The following RAPGEF4 variants were observed in gnomAD, a reference collection of about 807,000 sequenced individuals.
RAPGEF4 encodes the protein Rap guanine nucleotide exchange factor 4, also known as RAP guanine-nucleotide-exchange factor (GEF) 4.
RAPGEF4 carries 66 observed loss-of-function variants against 147.9 expected under a neutral mutation model. The observed-to-expected ratio is 0.45, with a 90% confidence interval of 0.37 to 0.55. The LOEUF is 0.55. Ranked by LOEUF, RAPGEF4 falls within the 20% of genes least tolerant of loss-of-function variation. The pLI, the probability that RAPGEF4 is intolerant of heterozygous loss-of-function variation, is 0.00. For missense variants in RAPGEF4, 1,071 were observed against 1,257.3 expected, an observed-to-expected ratio of 0.85 and a Z score of 2.24; for synonymous variants, 419 against 442.7, an observed-to-expected ratio of 0.95 and a Z score of 0.67.
intron 4 of RAPGEF4, among the ~76,000 whole-genome samples, chr2:172,855,499 TC>T (rs1384221433): frequency 1.3e-5 from 2 of 152,178 alleles, no homozygotes; most frequent in Non-Finnish European, 2.9e-5. Flanking sequence ...TTTTCATATT[TC>T]CCCACATATT....
At chr2:172,861,568 G>A (rs1236482347) in intron 4 of RAPGEF4, among the ~76,000 whole-genome samples, 5 of 152,220 alleles carry the variant, frequency 3.3e-5, no homozygotes, top group Non-Finnish European at 7.3e-5. Flanking sequence ...TAGTATGGCA[G>A]TCTTGTTAGG....
chr2:173,041,627 C>A (rs1684770078), intron 29 of RAPGEF4, among the ~76,000 whole-genome samples: 1 of 152,198 alleles, frequency 6.6e-6, no homozygotes, highest in South Asian at 2.1e-4. Flanking sequence ...AAGAAAACTT[C>A]ATGCAGTTTT....
intron 1 of RAPGEF4, among the ~76,000 whole-genome samples, chr2:172,784,740 A>G (rs973441715): frequency 4.6e-5 from 7 of 152,196 alleles, no homozygotes; most frequent in African/African-American, 7.2e-5. Context: ...TGCTATATCC[A>G]TGTCATCACT....
At position 172,867,074 on chromosome 2, in the gene RAPGEF4, C is replaced by T. The variant is rs146613104; in HGVS notation, c.445-50728C>T. ...CTCTGCTTTTCTTCCTGGGTTTAAG[C>T]GATTCTTGTGTCTCAGTCTCCCTAG... On this transcript the variant is annotated intron_variant, in intron 4 of 30. Transcript: ENST00000397081. Among the ~76,000 whole-genome samples, 617 of 151,180 alleles carry T rather than the reference C, an allele frequency of 4.1e-3. 2 individuals carry two copies. Among genetic ancestry groups the T allele is most frequent in the African/African-American group, 0.014 (579 of 41,162 alleles).
At chr2:172,843,544 A>G (rs536208642) in intron 4 of RAPGEF4, among the ~76,000 whole-genome samples, 1 of 152,364 alleles carries the variant, frequency 6.6e-6, no homozygotes, top group South Asian at 2.1e-4. Context: ...TATTACTACA[A>G]GCCTCACAGT....
intron 14 of RAPGEF4, 51 bp from the exon 15 acceptor site, chr2:172,990,759 A>G (rs1340627292): frequency 1.4e-6 from 2 of 1,379,748 alleles, no homozygotes; most frequent in South Asian, 2.5e-5. Context: ...AAATTTTTTC[A>G]TTGTCTGAGT....
chr2:172,903,719 G>A (rs1427231256), intron 4 of RAPGEF4, among the ~76,000 whole-genome samples: 2 of 151,984 alleles, frequency 1.3e-5, no homozygotes, highest in Admixed American at 6.6e-5. Flanking sequence ...TATGCCCCCC[G>A]GGGGTTACTG....
chr2:172,844,043 G>A (rs569103455), intron 4 of RAPGEF4, among the ~76,000 whole-genome samples: 1 of 152,350 alleles, frequency 6.6e-6, no homozygotes, highest in African/African-American at 2.4e-5. Flanking sequence ...CATAGAAGCA[G>A]TTTACATAAA....
intron 1 of RAPGEF4, 66 bp downstream of exon 1, chr2:172,736,114 GC>G: frequency 7.9e-7 from 1 of 1,268,254 alleles, no homozygotes; most frequent in South Asian, 2.0e-5. Flanking sequence ...TGAGACCGCC[GC>G]AGCTCCGCAC....
intron 2 of RAPGEF4, among the ~76,000 whole-genome samples, chr2:172,796,366 A>G (rs1686363252): frequency 6.6e-6 from 1 of 152,172 alleles, no homozygotes; most frequent in African/African-American, 2.4e-5. Context: ...TGGGTGGATC[A>G]ATAGGTCAGG....
intron 2 of RAPGEF4, among the ~76,000 whole-genome samples, chr2:172,796,013 A>G (rs1353250626): frequency 6.6e-6 from 1 of 152,202 alleles, no homozygotes; most frequent in African/African-American, 2.4e-5. Context: ...GCCTTCTTGT[A>G]TTGACTCATT....
chr2:173,023,174 A>G (rs6433385), intron 23 of RAPGEF4, among the ~76,000 whole-genome samples: 145,502 of 152,288 alleles, frequency 0.96, 69,680 homozygotes, highest in East Asian at 1. Flanking sequence ...GCTTACCTTC[A>G]CCATCTCTTT....
chr2:172,890,810 A>G (rs921862229), intron 4 of RAPGEF4, among the ~76,000 whole-genome samples: 4 of 152,236 alleles, frequency 2.6e-5, no homozygotes, highest in African/African-American at 9.6e-5. Flanking sequence ...TCAGTGCAAA[A>G]TGAAAACATG....
chr2:172,964,185 G>A (rs1041110438), intron 8 of RAPGEF4, among the ~76,000 whole-genome samples: 3 of 152,130 alleles, frequency 2.0e-5, no homozygotes, highest in Non-Finnish European at 4.4e-5. Context: ...GTAGGTGACT[G>A]TGCCCACTGA....
chr2:172,897,411 G>A (rs548971551), intron 4 of RAPGEF4, among the ~76,000 whole-genome samples: 4 of 151,730 alleles, frequency 2.6e-5, no homozygotes, highest in Non-Finnish European at 4.4e-5. Flanking sequence ...TATATATATA[G>A]AGAGAGAGAC....
At chr2:172,803,648 G>T (rs1051351536) in intron 3 of RAPGEF4, among the ~76,000 whole-genome samples, 1 of 152,168 alleles carries the variant, frequency 6.6e-6, no homozygotes, top group African/African-American at 2.4e-5. Flanking sequence ...GCAAATTTCT[G>T]TAGCTGGCTT....
At chr2:172,918,432 A>G (rs916521614) in intron 5 of RAPGEF4, among the ~76,000 whole-genome samples, 3 of 150,662 alleles carry the variant, frequency 2.0e-5, no homozygotes, top group African/African-American at 4.9e-5. Context: ...GGAAGGTGAC[A>G]GATAGGTTAA....
chr2:172,929,474 C>A (rs755126234), intron 6 of RAPGEF4, among the ~76,000 whole-genome samples: 17 of 152,196 alleles, frequency 1.1e-4, no homozygotes, highest in Non-Finnish European at 2.1e-4. Flanking sequence ...AATTTCAATT[C>A]TTTAAAATTT....
chr2:172,886,044 A>G (rs1332722352), intron 4 of RAPGEF4, among the ~76,000 whole-genome samples: 1 of 151,496 alleles, frequency 6.6e-6, no homozygotes, highest in African/African-American at 2.4e-5. Context: ...CTTCTGCACC[A>G]CCTTTCCTCT....
Sources: gnomAD v4.1 joint callset for allele counts (sites outside exome capture counted in the v4.1 genomes callset) on GRCh38, gnomAD v4.1.1 for gene constraint, MANE v1.5 for transcripts, NCBI Gene and HGNC (gene_info 2026-07-23, HGNC 2026-07-21) for gene names.